ZNF385B: variants seen among roughly 807,000 people sequenced by gnomAD.
The protein encoded by ZNF385B is zinc finger protein 533.
In ZNF385B, 23 loss-of-function variants were observed where a neutral mutation model predicts 39.2. That is an observed-to-expected ratio of 0.59 (90% CI 0.42 to 0.83). The LOEUF is 0.83. ZNF385B is among the 40% of genes least tolerant of loss of function. ZNF385B has a pLI of 0.00. For synonymous variants in ZNF385B, 205 were observed against 222.6 expected (o/e 0.92, Z 0.70); for missense variants, 552 against 598.9 (o/e 0.92, Z 0.82).
At chr2:179,718,979 T>TA (rs1491163909) in intron 3 of ZNF385B, among the ~76,000 whole-genome samples, 34 of 150,508 alleles carry the variant, frequency 2.3e-4, no homozygotes, top group African/African-American at 5.1e-4. Flanking sequence ...TGTATATATA[T>TA]TTTTTTTTTC....
In ZNF385B at chr2:179,637,408, G is replaced by A. The variant is rs913166793; in HGVS notation, c.299-92439C>T. On this transcript the variant is annotated intron_variant, in intron 3 of 9. Coordinates refer to ENST00000410066, the MANE Select transcript of ZNF385B (RefSeq NM_152520.6). ...GTCATTCTCAATGCCAAAACTTCTA[G>A]TTAAGCTTTGACTTTTCCTTATGCA... 5 of 149,480 alleles carry A rather than the reference G, an allele frequency of 3.3e-5. No homozygotes were observed. In the East Asian group the frequency reaches 1.0e-3, roughly 31 times the overall value. The allele number at this position is 149,480 out of a possible 1,614,324, so 9.3% of individuals were successfully genotyped here.
chr2:179,799,340 T>A (rs1347538512), intron 1 of ZNF385B, among the ~76,000 whole-genome samples: 2 of 152,056 alleles, frequency 1.3e-5, no homozygotes, highest in South Asian at 2.1e-4. Context: ...CTACTTTTTT[T>A]AAAAGCTGGC....
At chr2:179,765,048 T>C (rs574322536) in intron 3 of ZNF385B, among the ~76,000 whole-genome samples, 2 of 151,414 alleles carry the variant, frequency 1.3e-5, no homozygotes, top group Non-Finnish European at 3.0e-5. Flanking sequence ...CCATTGGCTG[T>C]CCTGGGTCTT....
intron 6 of ZNF385B, among the ~76,000 whole-genome samples, chr2:179,470,920 A>C (rs2052702324): frequency 6.6e-6 from 1 of 151,116 alleles, no homozygotes; most frequent in African/African-American, 2.4e-5. Flanking sequence ...CTCTTGTTTT[A>C]TGTCCTTGAG....
At chr2:179,793,642 G>A (rs1705478851) in intron 1 of ZNF385B, among the ~76,000 whole-genome samples, 1 of 152,226 alleles carries the variant, frequency 6.6e-6, no homozygotes, top group Admixed American at 6.5e-5. Context: ...CAGCCATGCG[G>A]AACTGTGAGT....
chr2:179,847,610 T>C (rs966434003), intron 1 of ZNF385B, among the ~76,000 whole-genome samples: 2 of 152,210 alleles, frequency 1.3e-5, no homozygotes, highest in African/African-American at 4.8e-5. Flanking sequence ...CCTAAGTTCC[T>C]TGCAGCCACT....
At chr2:179,592,472 T>A (rs904345744) in intron 3 of ZNF385B, among the ~76,000 whole-genome samples, 2 of 152,142 alleles carry the variant, frequency 1.3e-5, no homozygotes, top group Non-Finnish European at 1.5e-5. Flanking sequence ...ACTAAAAAAC[T>A]GAGAATGAAA....
At chr2:179,700,430 C>G (rs906640512) in intron 3 of ZNF385B, among the ~76,000 whole-genome samples, 1 of 152,090 alleles carries the variant, frequency 6.6e-6, no homozygotes, top group Non-Finnish European at 1.5e-5. Flanking sequence ...TCCAAACTGC[C>G]ACATCAATAT....
chr2:179,482,525 T>C (rs376504727), intron 6 of ZNF385B, among the ~76,000 whole-genome samples: 4 of 151,022 alleles, frequency 2.6e-5, no homozygotes, highest in Non-Finnish European at 4.4e-5. Context: ...GAATTTTTTT[T>C]CTCTTTCCAC....
chr2:179,466,288 C>T (rs150632507), intron 6 of ZNF385B, among the ~76,000 whole-genome samples: 29 of 152,116 alleles, frequency 1.9e-4, no homozygotes, highest in African/African-American at 7.0e-4. Flanking sequence ...GTGATTATCT[C>T]CTTTGTTATA....
chr2:179,780,033 G>A (rs1480592670), intron 1 of ZNF385B, among the ~76,000 whole-genome samples: 1 of 151,802 alleles, frequency 6.6e-6, no homozygotes, highest in African/African-American at 2.4e-5. Flanking sequence ...AAGTGGTTGC[G>A]GCAGCTGGGC....
rs185229114 is a variant in ZNF385B, at chr2:179,676,648, G to A, written c.298+92855C>T. The stretch of plus-strand genomic sequence containing the variant: ...CCACAGGGAGCTGTTGCCATCATCT[G>A]CTGAGAGATGACAGTAGCCTGGACT... On this transcript the variant is annotated intron_variant, in intron 3 of 9. Transcript: ENST00000410066. Among the ~76,000 whole-genome samples the A allele has an allele frequency of 1.3e-3, 200 of 152,318 alleles. 2 individuals carry two copies. In the Middle Eastern group the frequency reaches 0.02, roughly 16 times the overall value.
In ZNF385B at chr2:179,442,739, T is replaced by C. The variant is rs902136577; in HGVS notation, c.*511A>G. 1.5e-5 allele frequency: 3 copies of C among 197,116 alleles called. No individual in the cohort carries two copies. The highest frequency in any genetic ancestry group is 7.2e-5 in the African/African-American group (3 of 41,830). The allele number at this position is 197,116 out of a possible 1,614,324, so 12.2% of individuals were successfully genotyped here. On this transcript the variant is annotated 3_prime_UTR_variant, in exon 10 of 10. Coordinates refer to ENST00000410066, the MANE Select transcript of ZNF385B (RefSeq NM_152520.6). ...CAACAGTACACCAAAAAGAGAACTTTGTGATCCGTTGGTAAGATAGTATCC... is the reference window on the plus strand; with the variant it reads ...CAACAGTACACCAAAAAGAGAACTTCGTGATCCGTTGGTAAGATAGTATCC...
At chr2:179,812,991 T>C (rs1706831842) in intron 1 of ZNF385B, among the ~76,000 whole-genome samples, 1 of 152,130 alleles carries the variant, frequency 6.6e-6, no homozygotes, top group Non-Finnish European at 1.5e-5. Flanking sequence ...ATAACTATTT[T>C]TTCCTGCTTG....
chr2:179,521,353 G>GTTTTTTTTTTT (rs56392185), intron 4 of ZNF385B, among the ~76,000 whole-genome samples: 85 of 108,146 alleles, frequency 7.9e-4, no homozygotes, highest in South Asian at 1.1e-3. Flanking sequence ...CACCTGGCCA[G>GTTTTTTTTTTT]TTTTTTTTTT....
At chr2:179,448,951 T>C (rs953493293) in intron 6 of ZNF385B, among the ~76,000 whole-genome samples, 7 of 152,300 alleles carry the variant, frequency 4.6e-5, no homozygotes, top group African/African-American at 1.2e-4. Context: ...TTAGGTTATA[T>C]TGAGAACATG....
intron 5 of ZNF385B, among the ~76,000 whole-genome samples, chr2:179,493,493 G>GTATACATA (rs1559333884): frequency 6.7e-6 from 1 of 149,716 alleles, no homozygotes; most frequent in Non-Finnish European, 1.5e-5. Context: ...ATGTATAAAC[G>GTATACATA]TGTGTGTACA....
At position 179,596,449 on chromosome 2, in the gene ZNF385B, T is replaced by TA. The variant is rs1688006802; in HGVS notation, c.299-51481dup. On this transcript the variant is annotated intron_variant, in intron 3 of 9. Transcript: ENST00000410066. The stretch of plus-strand genomic sequence containing the variant: ...TGCTGATATAATTTTCTCAAAAACT[T>TA]AGTGAATCTCTTGTGGATGACACAG... Among the ~76,000 whole-genome samples the TA allele has an allele frequency of 2.6e-5, 4 of 152,206 alleles. No homozygotes were observed. In the South Asian group the frequency reaches 8.3e-4, roughly 31 times the overall value.
intron 3 of ZNF385B, among the ~76,000 whole-genome samples, chr2:179,652,547 T>G (rs112038656): frequency 6.6e-6 from 1 of 152,174 alleles, no homozygotes; most frequent in Non-Finnish European, 1.5e-5. Context: ...TTGGGTGTTA[T>G]GGTTATTACC....
Sources: allele counts gnomAD v4.1 joint callset (sites outside exome capture counted in the v4.1 genomes callset), GRCh38; gene constraint gnomAD v4.1.1; transcripts MANE v1.5; gene names NCBI Gene and HGNC (gene_info 2026-07-23, HGNC 2026-07-21).